Variants in ZSWIM8 observed in about 807,000 individuals in gnomAD.
ZSWIM8 encodes the protein zinc finger SWIM-type containing 8.
Under a neutral mutation model 173.7 loss-of-function variants are expected in ZSWIM8, and 27 were observed. The observed-to-expected ratio is 0.16, with a 90% CI of 0.11 to 0.21. The LOEUF is 0.21. Among genes scored for constraint, ZSWIM8 ranks in the 10% least tolerant of loss-of-function variants. ZSWIM8 has a pLI of 1.00. For missense variants in ZSWIM8, 1,627 were observed against 2,428.8 expected (o/e 0.67, Z 6.94); for synonymous variants, 958 against 962.0 (o/e 1.00, Z 0.08).
Position 73,792,190 on chromosome 10 carries a change from G to A in ZSWIM8, c.1651G>A (p.Gly551Ser). ...RPKEPGTKRK[G>S]LGEGVPSSQR... ...CAAGGAGCCTGGGACCAAGCGAAAG[G>A]GCTTGGGTGAGGGGGTCCCCTCATC... is the stretch of plus-strand genomic sequence containing the variant. The change falls in exon 10 of 26, where the codon GGC becomes AGC. Residue 551 changes from glycine to serine, a missense_variant. By Grantham distance (56) the Gly-to-Ser change is moderately conservative. Coordinates refer to ENST00000604729, the MANE Select transcript of ZSWIM8 (RefSeq NM_001367799.1). The surrounding 1 kb of genome is among the most constrained non-coding windows in gnomAD (Gnocchi z 4.3). 1 of 1,533,998 alleles carries A rather than the reference G, an allele frequency of 6.5e-7. No homozygotes were observed. The highest frequency in any genetic ancestry group is 8.8e-7 in the Non-Finnish European group (1 of 1,141,968).
chr10:73,794,159 T>C lies in ZSWIM8; in HGVS notation c.2638T>C (p.Tyr880His). Reference sequence around the variant, plus strand: ...CCTGTGCCCTCAGGTGAAGCTGGCATACCAGGAGTCTGAGGTGGCTGCCCT... The same window carrying C: ...CCTGTGCCCTCAGGTGAAGCTGGCACACCAGGAGTCTGAGGTGGCTGCCCT... Reference protein sequence around the residue: ...STKALEVKLAYQESEVAALLK... With the variant: ...STKALEVKLAHQESEVAALLK... Residue 880 changes from tyrosine (Y) to histidine (H), a missense_variant, in exon 13 of 26, where the codon TAC becomes CAC. Physicochemically the swap from Tyr to His is moderately conservative, Grantham distance 83. Coordinates refer to ENST00000604729, the MANE Select transcript of ZSWIM8 (RefSeq NM_001367799.1). 1 of 1,614,024 alleles carries C rather than the reference T, an allele frequency of 6.2e-7. No homozygotes were observed. The highest frequency in any genetic ancestry group is 8.5e-7 in the Non-Finnish European group (1 of 1,179,882).
rs1287171848 is a variant in ZSWIM8, at chr10:73,797,703, C to T, written c.3663-78C>T. 6.4e-7 allele frequency: 1 copy of T among 1,565,174 alleles called. No homozygotes were observed. The highest frequency in any genetic ancestry group is 1.8e-5 in the Admixed American group (1 of 55,202). The stretch of plus-strand genomic sequence containing the variant: ...CATTGTCTCCCAGCATCCTCACTTT[C>T]CCTGGTCCTTCCCAACCTACCCGGA... On this transcript the variant is annotated intron_variant, in intron 18 of 25. Transcript: ENST00000604729. The surrounding 1 kb of genome is among the most constrained non-coding windows in gnomAD (Gnocchi z 5.6).
At chr10:73,799,739 T>C in intron 21 of ZSWIM8, 1 of 639,190 alleles carries the variant, frequency 1.6e-6, no homozygotes, top group Admixed American at 2.9e-5. Flanking sequence ...GAGACCAGCC[T>C]GGCCAACATG....
At position 73,797,097 on chromosome 10, in the gene ZSWIM8, T is replaced by C. The variant is rs1355144524; in HGVS notation, c.3275-16T>C. On this transcript the variant is annotated splice_polypyrimidine_tract_variant and intron_variant, in intron 16 of 25. Transcript: ENST00000604729. This position sits in a 1 kb window ranked among gnomAD's most constrained non-coding sequence, Gnocchi z 5.6. ...CTTTCCTGGGCTCATCCCAGCGTCC[T>C]GTTTTCCTCACCTAGAGAGTTCCCC... 6.2e-7 allele frequency: 1 copy of C among 1,613,388 alleles called. No homozygotes were observed. Among genetic ancestry groups the C allele is most frequent in the South Asian group, 1.1e-5 (1 of 91,006 alleles).
Position 73,792,440 on chromosome 10 carries a change from C to G in ZSWIM8, c.1901C>G (p.Ala634Gly). The G allele has an allele frequency of 6.2e-7, 1 of 1,605,716 alleles. No homozygotes were observed. Among genetic ancestry groups the G allele is most frequent in the Non-Finnish European group, 8.5e-7 (1 of 1,176,016 alleles). ...AGCAGCCTGGCCCTGGGCGCAGAGG[C>G]CAGCACCTTCGGGGGATTCCCTGAG... ...DDSSLALGAE[A>G]STFGGFPESP... The change falls in exon 10 of 26, where the codon GCC (alanine) becomes GGC (glycine). Residue 634 changes from alanine (A) to glycine (G), a missense_variant. Physicochemically the swap from Ala to Gly is moderately conservative, Grantham distance 60. Transcript: ENST00000604729. This position sits in a 1 kb window ranked among gnomAD's most constrained non-coding sequence, Gnocchi z 4.3.
rs750600342 is a variant in ZSWIM8, at chr10:73,792,057, G to A, written c.1518G>A (p.Leu506=). Residue 506 remains leucine, a synonymous_variant, in exon 10 of 26, where the codon CTG becomes CTA. Transcript: ENST00000604729. The surrounding 1 kb of genome is among the most constrained non-coding windows in gnomAD (Gnocchi z 4.3). ...TYSGTDRKLA[L]CWARALPSRP... ...GCGGCACTGACAGGAAGCTGGCACT[G>A]TGCTGGGCCCGGGCCCTGCCCTCTC... 6.5e-7 allele frequency: 1 copy of A among 1,544,034 alleles called. No homozygotes were observed. Among genetic ancestry groups the A allele is most frequent in the Admixed American group, 2.0e-5 (1 of 50,692 alleles).
chr10:73,789,656 C>A lies in ZSWIM8; in HGVS notation c.631-61C>A. On this transcript the variant is annotated intron_variant, in intron 4 of 25. Coordinates refer to ENST00000604729, the MANE Select transcript of ZSWIM8 (RefSeq NM_001367799.1). The surrounding 1 kb of genome is among the most constrained non-coding windows in gnomAD (Gnocchi z 6.8). The stretch of plus-strand genomic sequence containing the variant: ...TCGCCTACTCTGCCTCTCTGTCCCC[C>A]AGCTCCAGCTCCAGCAAACCTGTTC... 1 of 1,548,562 alleles carries A rather than the reference C, an allele frequency of 6.5e-7. No homozygotes were observed. Among genetic ancestry groups the A allele is most frequent in the African/African-American group, 1.4e-5 (1 of 73,370 alleles).
Position 73,790,191 on chromosome 10 carries a change from A to C in ZSWIM8, c.840A>C (p.Ser280=). The change falls in exon 7 of 26, where the codon TCA becomes TCC. Residue 280 remains serine (S), a synonymous_variant. Transcript: ENST00000604729. ...CCTCAGACCCCACAGCAGGGCCCTC[A>C]GCATCGGACCAGAGTACTTGGTATC... ...CGAPDPTAGP[S]ASDQSTWYLD... is the part of the protein sequence containing the mutation. 1.2e-6 allele frequency: 2 copies of C among 1,613,224 alleles called. No homozygotes were observed. The highest frequency in any genetic ancestry group is 1.1e-5 in the South Asian group (1 of 90,940).
chr10:73,789,604 C>A lies in ZSWIM8; in HGVS notation c.630+65C>A. ...CCATCCCCCCCTTCTCTGCTGCATGCCTGGCTACAATGTGAGCCCCCTCGC... is the reference window on the plus strand; with the variant it reads ...CCATCCCCCCCTTCTCTGCTGCATGACTGGCTACAATGTGAGCCCCCTCGC... On this transcript the variant is annotated intron_variant, in intron 4 of 25. Transcript: ENST00000604729. This position sits in a 1 kb window ranked among gnomAD's most constrained non-coding sequence, Gnocchi z 6.8. 6.4e-7 allele frequency: 1 copy of A among 1,573,396 alleles called. No homozygotes were observed. Among genetic ancestry groups the A allele is most frequent in the Non-Finnish European group, 8.6e-7 (1 of 1,157,630 alleles).
chr10:73,800,116 A>G lies in ZSWIM8; in HGVS notation c.4771A>G (p.Thr1591Ala), dbSNP rs765233723. The G allele has an allele frequency of 1.9e-6, 3 of 1,613,626 alleles. No individual in the cohort carries two copies. The highest frequency in any genetic ancestry group is 2.5e-6 in the Non-Finnish European group (3 of 1,179,816). The change falls in exon 22 of 26, where the codon ACA (threonine) becomes GCA (alanine). Residue 1591 changes from threonine (T) to alanine (A), a missense_variant. This residue lies in a region of ZSWIM8 where 275 missense variants were observed against 290.1 expected (regional missense o/e 0.95). Transcript: ENST00000604729. The surrounding 1 kb of genome is among the most constrained non-coding windows in gnomAD (Gnocchi z 4.1). ...SFPVPSMAPI[T>A]VHPYHTEPGL... ...CCCCGTTCCTTCCATGGCACCCATCACAGTACATCCCTACCACACAGAGCC... is the reference window on the plus strand; with the variant it reads ...CCCCGTTCCTTCCATGGCACCCATCGCAGTACATCCCTACCACACAGAGCC...
chr10:73,795,691 C>A, intron 15 of ZSWIM8, 28 bp downstream of exon 15: 1 of 1,602,452 alleles, frequency 6.2e-7, no homozygotes. Flanking sequence ...GGTGCGGTGG[C>A]TCATGCCTGT....
Position 73,797,643 on chromosome 10 carries a change from C to G in ZSWIM8, c.3662+38C>G. The G allele has an allele frequency of 1.2e-6, 2 of 1,605,284 alleles. No homozygotes were observed. The highest frequency in any genetic ancestry group is 1.7e-6 in the Non-Finnish European group (2 of 1,174,118). On this transcript the variant is annotated intron_variant, in intron 18 of 25. Coordinates refer to ENST00000604729, the MANE Select transcript of ZSWIM8 (RefSeq NM_001367799.1). This position sits in a 1 kb window ranked among gnomAD's most constrained non-coding sequence, Gnocchi z 5.6. ...AACTCCCCATCTTCCCTGATCTGGC[C>G]CACCCTCAGAGCCACACCCCTAGTG...
In ZSWIM8 at chr10:73,801,340, C is replaced by T. The variant is rs1271745633; in HGVS notation, c.5326C>T (p.Leu1776=). 2.5e-6 allele frequency: 4 copies of T among 1,613,950 alleles called. No homozygotes were observed. Among genetic ancestry groups the T allele is most frequent in the Non-Finnish European group, 3.4e-6 (4 of 1,179,852 alleles). ...GTACATCCACCACCGCTTGATTCAC[C>T]TGACTCCTGCGGACTACGACGACTT... ...MQYIHHRLIH[L]TPADYDDFVN... Residue 1776 remains leucine, a synonymous_variant, in exon 26 of 26, where the codon CTG becomes TTG. Coordinates refer to ENST00000604729, the MANE Select transcript of ZSWIM8 (RefSeq NM_001367799.1). The surrounding 1 kb of genome is among the most constrained non-coding windows in gnomAD (Gnocchi z 4.9).
At position 73,800,661 on chromosome 10, in the gene ZSWIM8, T is replaced by A. The variant is rs2083903219; in HGVS notation, c.5024T>A (p.Leu1675Gln). 1 of 1,613,604 alleles carries A rather than the reference T, an allele frequency of 6.2e-7. No individual in the cohort carries two copies. Among genetic ancestry groups the A allele is most frequent in the African/African-American group, 1.3e-5 (1 of 74,848 alleles). ...YRVGMLALEMLGRRAHNDHPN... is the reference protein window; with the variant it reads ...YRVGMLALEMQGRRAHNDHPN... ...CCAGGAATGCTGGCACTGGAGATGC[T>A]GGGTCGCCGGGCACACAACGATCAC... Residue 1675 changes from leucine to glutamine, a missense_variant, in exon 24 of 26, where the codon CTG (leucine) becomes CAG (glutamine). This residue lies in a region of ZSWIM8 where 9 missense variants were observed against 27.3 expected (regional missense o/e 0.33). Transcript: ENST00000604729. This position sits in a 1 kb window ranked among gnomAD's most constrained non-coding sequence, Gnocchi z 4.1.
Position 73,791,152 on chromosome 10 carries a change from T to C in ZSWIM8, c.1119T>C (p.Thr373=), listed in dbSNP as rs1185976268. The C allele has an allele frequency of 2.2e-5, 35 of 1,611,938 alleles. No individual in the cohort carries two copies. The highest frequency in any genetic ancestry group is 2.9e-5 in the Non-Finnish European group (34 of 1,178,594). ...SNAAPLLEIL[T]DQCLTYEQIT... is the part of the protein sequence containing the mutation. The stretch of plus-strand genomic sequence containing the variant: ...CTGCCCCCTTGTTGGAAATCCTCAC[T>C]GACCAGTGCCTCACCTATGAACAGG... Residue 373 remains threonine, a synonymous_variant, in exon 8 of 26, where the codon ACT becomes ACC. Coordinates refer to ENST00000604729, the MANE Select transcript of ZSWIM8 (RefSeq NM_001367799.1). The surrounding 1 kb of genome is among the most constrained non-coding windows in gnomAD (Gnocchi z 6.0).
At position 73,801,731 on chromosome 10, in the gene ZSWIM8, G is replaced by A; in HGVS notation, c.*212G>A. The stretch of plus-strand genomic sequence containing the variant: ...GGGAGACAGCCCTGTCTGGGAGGGG[G>A]CGTTGGGTGGCCTCTGGTATTTATT... On this transcript the variant is annotated 3_prime_UTR_variant, in exon 26 of 26. Transcript: ENST00000604729. This position sits in a 1 kb window ranked among gnomAD's most constrained non-coding sequence, Gnocchi z 4.9. 2.0e-6 allele frequency: 3 copies of A among 1,528,916 alleles called. No homozygotes were observed. The highest frequency in any genetic ancestry group is 2.6e-6 in the Non-Finnish European group (3 of 1,143,448). 94.7% of individuals were successfully genotyped at this position (1,528,916 alleles called of 1,614,324 possible).
In ZSWIM8 at chr10:73,790,775, G is replaced by A. The variant is rs142194911; in HGVS notation, c.942-200G>A. On this transcript the variant is annotated intron_variant, in intron 7 of 25. Coordinates refer to ENST00000604729, the MANE Select transcript of ZSWIM8 (RefSeq NM_001367799.1). ...GAGGCAGGAGAATTGCTTGAACCCG[G>A]GAGGTGGAGGTTGCAGTGAGGTGAG... 2.6e-3 allele frequency among the ~76,000 whole-genome samples: 397 copies of A among 152,254 alleles called. 2 individuals carry two copies. The highest frequency in any genetic ancestry group is 3.5e-3 in the Non-Finnish European group (235 of 68,026).
chr10:73,786,913 T>C (rs2083246991), intron 1 of ZSWIM8, among the ~76,000 whole-genome samples: 1 of 152,030 alleles, frequency 6.6e-6, no homozygotes, highest in African/African-American at 2.4e-5. Context: ...CTGGTGCTCC[T>C]TTGGGACAGA....
In ZSWIM8 at chr10:73,799,989, CCTTT is replaced by C; in HGVS notation, c.4666-18_4666-15del. 1.2e-6 allele frequency: 2 copies of C among 1,608,886 alleles called. No homozygotes were observed. Among genetic ancestry groups the C allele is most frequent in the East Asian group, 2.2e-5 (1 of 44,838 alleles). On this transcript the variant is annotated intron_variant, in intron 21 of 25. Transcript: ENST00000604729. ...ATCCTAATCAAGTTTGGCATCTTCC[CCTTT>C]CTTCTCCCTGCCCCTAGGGTGTGCA...
Sources: gnomAD v4.1 joint callset for allele counts (sites outside exome capture counted in the v4.1 genomes callset) on GRCh38, gnomAD v4.1.1 for gene constraint, gnomAD v4.1.1 regional missense constraint, Gnocchi (gnomAD v3.1) non-coding constraint, MANE v1.5 for transcripts, NCBI Gene and HGNC (gene_info 2026-07-23, HGNC 2026-07-21) for gene names.